Variants in STAU1 observed in about 807,000 individuals in gnomAD.
The protein encoded by STAU1 is staufen double-stranded RNA binding protein 1.
In STAU1, 13 loss-of-function variants were observed where a neutral mutation model predicts 62.9. That is an observed-to-expected ratio of 0.21 (90% CI 0.13 to 0.33). STAU1 has a LOEUF of 0.33. Ranked by LOEUF, STAU1 falls within the 10% of genes least tolerant of loss-of-function variation. The probability of loss-of-function intolerance (pLI) is 1.00; values close to 1 mark genes in which losing one functional copy is unlikely to be tolerated. For synonymous variants in STAU1, 269 were observed against 265.1 expected, an observed-to-expected ratio of 1.01 and a Z score of -0.14; for missense variants, 571 against 712.1, an observed-to-expected ratio of 0.80 and a Z score of 2.25.
At chr20:49,157,311 C>T (rs1295298347) in intron 3 of STAU1, among the ~76,000 whole-genome samples, 1 of 152,084 alleles carries the variant, frequency 6.6e-6, no homozygotes, top group African/African-American at 2.4e-5. Context: ...TGTTTGAAAA[C>T]ATAACCACCC....
chr20:49,146,813 C>T (rs1477077130), intron 5 of STAU1, among the ~76,000 whole-genome samples: 2 of 152,040 alleles, frequency 1.3e-5, no homozygotes, highest in Non-Finnish European at 2.9e-5. Flanking sequence ...CCTTTTCATG[C>T]CTGCCTATAT....
chr20:49,183,668 T>C (rs918008670), intron 1 of STAU1, among the ~76,000 whole-genome samples: 1 of 152,188 alleles, frequency 6.6e-6, no homozygotes, highest in East Asian at 1.9e-4. Flanking sequence ...CCCAGAATGA[T>C]ATCAATGATC....
At chr20:49,142,238 C>T (rs1160487991) in intron 5 of STAU1, among the ~76,000 whole-genome samples, 2 of 152,054 alleles carry the variant, frequency 1.3e-5, no homozygotes, top group African/African-American at 4.8e-5. Flanking sequence ...AGGCACAAGC[C>T]ACCATGCCTG....
chr20:49,115,728 A>C (rs2092304974), intron 13 of STAU1, 54 bp downstream of exon 13: 1 of 1,480,446 alleles, frequency 6.8e-7, no homozygotes, highest in African/African-American at 1.4e-5. Flanking sequence ...ACTCAACACA[A>C]ACGAGGGGCA....
In STAU1 at chr20:49,158,822, G is replaced by T. The variant is rs572430963; in HGVS notation, c.206-4751C>A. On this transcript the variant is annotated intron_variant, in intron 3 of 13. Coordinates refer to ENST00000371856, the MANE Select transcript of STAU1 (RefSeq NM_017453.4). Reference sequence around the variant, plus strand: ...CTCCATTTCAAAATAAAAAAAAGCCGGGCGCGGTGGCTCATGCCTGTAATC... The same window carrying T: ...CTCCATTTCAAAATAAAAAAAAGCCTGGCGCGGTGGCTCATGCCTGTAATC... The T allele has an allele frequency of 6.0e-6, 4 of 667,558 alleles. No individual in the cohort carries two copies. The South Asian group carries it at 6.0e-5, about 10-fold the overall frequency. The allele number at this position is 667,558 out of a possible 1,614,324, so 41.4% of individuals were successfully genotyped here.
upstream of STAU1, among the ~76,000 whole-genome samples, chr20:49,189,390 T>C (rs1306572118): frequency 4.0e-5 from 6 of 151,396 alleles, no homozygotes; most frequent in Non-Finnish European, 7.4e-5. Context: ...ATCCCGGCAC[T>C]TTGGGAGGCC....
At chr20:49,179,876 A>G (rs1018825209) in intron 1 of STAU1, among the ~76,000 whole-genome samples, 6 of 152,242 alleles carry the variant, frequency 3.9e-5, no homozygotes, top group Non-Finnish European at 7.3e-5. Flanking sequence ...TTAGTGATTA[A>G]TGAGACATGC....
intron 2 of STAU1, among the ~76,000 whole-genome samples, chr20:49,169,654 C>T (rs1390784771): frequency 2.6e-5 from 4 of 152,136 alleles, no homozygotes; most frequent in Non-Finnish European, 5.9e-5. Flanking sequence ...GTTTGAAACG[C>T]AAAGATTCTT....
the STAU1 span, among the ~76,000 whole-genome samples, chr20:49,201,464 G>A: frequency 1.3e-5 from 2 of 152,064 alleles, no homozygotes; most frequent in Non-Finnish European, 1.5e-5. Context: ...ATATTGGCCT[G>A]GGCATGGTGA....
the STAU1 span, among the ~76,000 whole-genome samples, chr20:49,208,517 T>C: frequency 1.3e-5 from 2 of 151,698 alleles, no homozygotes; most frequent in African/African-American, 2.4e-5. Context: ...AAAATTGTAT[T>C]GCCTGAGAGT....
intron 5 of STAU1, among the ~76,000 whole-genome samples, chr20:49,137,395 T>C (rs1318568528): frequency 6.6e-6 from 1 of 152,196 alleles, no homozygotes; most frequent in Non-Finnish European, 1.5e-5. Context: ...TGCGTGCTGA[T>C]AACATGGATT....
intron 9 of STAU1, among the ~76,000 whole-genome samples, chr20:49,119,767 C>G (rs1400787303): frequency 1.3e-5 from 2 of 152,192 alleles, no homozygotes; most frequent in East Asian, 3.9e-4. Context: ...GATACTGACA[C>G]AATCAACGAT....
chr20:49,160,667 T>G (rs1044260218), intron 3 of STAU1, among the ~76,000 whole-genome samples: 1 of 152,178 alleles, frequency 6.6e-6, no homozygotes. Context: ...AAAATTATAG[T>G]CAGACTTTCA....
chr20:49,211,275 T>C, the STAU1 span, among the ~76,000 whole-genome samples: 1 of 152,172 alleles, frequency 6.6e-6, no homozygotes, highest in Non-Finnish European at 1.5e-5. Flanking sequence ...AGTGCTGCTG[T>C]GAACACTCGT....
rs769152855 is a variant in STAU1, at chr20:49,134,851, G to A, written c.609+982C>T. The stretch of plus-strand genomic sequence containing the variant: ...TTTATACCAAACCTGCAAACAAACA[G>A]GAAGATGAAGTGATGAGAGCCTATT... On this transcript the variant is annotated intron_variant, in intron 6 of 13. Transcript: ENST00000371856. 1.0e-5 allele frequency: 16 copies of A among 1,561,026 alleles called. No individual in the cohort carries two copies. In the African/African-American group the frequency reaches 2.2e-4, roughly 21 times the overall value.
chr20:49,136,494 A>C (rs1442105087), intron 5 of STAU1, among the ~76,000 whole-genome samples: 1 of 152,100 alleles, frequency 6.6e-6, no homozygotes, highest in African/African-American at 2.4e-5. Context: ...CACATAATAG[A>C]CCTTTGGATA....
Position 49,114,838 on chromosome 20 carries a change from A to G in STAU1, c.*40T>C, listed in dbSNP as rs747750526. On this transcript the variant is annotated 3_prime_UTR_variant, in exon 14 of 14. Transcript: ENST00000371856. ...AAAGCAGTTTCAGTATTTTCAGTAT[A>G]TATGTTGGGATTTTATAATGGTTCA... is the stretch of plus-strand genomic sequence containing the variant. 98 of 1,605,044 alleles carry G rather than the reference A, an allele frequency of 6.1e-5. No individual in the cohort carries two copies. The highest frequency in any genetic ancestry group is 7.5e-5 in the Non-Finnish European group (88 of 1,172,664).
intron 4 of STAU1, among the ~76,000 whole-genome samples, chr20:49,153,710 C>CAAAAAAAAAA (rs145558067): frequency 4.3e-4 from 29 of 67,590 alleles, no homozygotes; most frequent in African/African-American, 8.1e-4. Flanking sequence ...GACTCTGTCT[C>CAAAAAAAAAA]AAAAAAAAAA....
chr20:49,183,454 A>G (rs1327679350), intron 1 of STAU1, among the ~76,000 whole-genome samples: 1 of 152,216 alleles, frequency 6.6e-6, no homozygotes, highest in Non-Finnish European at 1.5e-5. Flanking sequence ...TCAGGAGTTC[A>G]AGACCAGCCT....
Sources: gnomAD v4.1 joint callset for allele counts (sites outside exome capture counted in the v4.1 genomes callset) on GRCh38, gnomAD v4.1.1 for gene constraint, MANE v1.5 for transcripts, NCBI Gene and HGNC (gene_info 2026-07-23, HGNC 2026-07-21) for gene names.